BRINP2: variants seen among roughly 807,000 people sequenced by gnomAD.
BRINP2 encodes the protein BMP/retinoic acid inducible neural specific 2.
In BRINP2, 21 loss-of-function variants were observed where a neutral mutation model predicts 69.2. The ratio of observed to expected loss-of-function variants is 0.30; its 90% CI spans 0.22 to 0.44. The LOEUF (loss-of-function observed/expected upper bound fraction) is 0.44. Among genes scored for constraint, BRINP2 ranks in the 20% least tolerant of loss-of-function variants. BRINP2 has a pLI of 1.00. For synonymous variants in BRINP2, 380 were observed against 394.1 expected (o/e 0.96, Z 0.42); for missense variants, 877 against 986.0 (o/e 0.89, Z 1.48).
intron 1 of BRINP2, among the ~76,000 whole-genome samples, chr1:177,208,633 T>C (rs899710709): frequency 6.6e-6 from 1 of 152,060 alleles, no homozygotes; most frequent in Admixed American, 6.5e-5. Context: ...TTTTTCTTCA[T>C]CTTCTTCTTT....
intron 5 of BRINP2, among the ~76,000 whole-genome samples, 188 bp downstream of exon 5, chr1:177,273,781 T>C (rs1044558274): frequency 1.3e-5 from 2 of 152,242 alleles, no homozygotes; most frequent in Non-Finnish European, 2.9e-5. Context: ...CCTTCTGGTA[T>C]GGTTTGTCCT....
At chr1:177,278,864 C>A in intron 7 of BRINP2, 79 bp downstream of exon 7, 3 of 1,391,588 alleles carry the variant, frequency 2.2e-6, no homozygotes, top group Non-Finnish European at 3.0e-6. Flanking sequence ...ACCCTCTGTC[C>A]AATGTAGGGG....
chr1:177,250,420 A>T (rs796590856), intron 2 of BRINP2, among the ~76,000 whole-genome samples: 5 of 152,174 alleles, frequency 3.3e-5, no homozygotes, highest in African/African-American at 1.2e-4. Flanking sequence ...TCCACCTCCC[A>T]GGTTCAAATG....
intron 2 of BRINP2, among the ~76,000 whole-genome samples, chr1:177,243,162 C>T (rs866182497): frequency 6.6e-6 from 1 of 151,708 alleles, no homozygotes. Flanking sequence ...GAGAAGAGTA[C>T]AGGGAGAAAA....
intron 2 of BRINP2, among the ~76,000 whole-genome samples, chr1:177,247,918 C>G (rs1349092686): frequency 6.6e-6 from 1 of 152,174 alleles, no homozygotes; most frequent in Non-Finnish European, 1.5e-5. Flanking sequence ...GGCACACTGA[C>G]ACCAGGATAG....
At chr1:177,188,329 G>A (rs1236916086) in intron 1 of BRINP2, among the ~76,000 whole-genome samples, 1 of 152,098 alleles carries the variant, frequency 6.6e-6, no homozygotes, top group Non-Finnish European at 1.5e-5. Context: ...CAAAAAAATA[G>A]AACCCGTGCC....
chr1:177,257,935 T>C (rs1036758029), intron 4 of BRINP2, among the ~76,000 whole-genome samples: 4 of 152,116 alleles, frequency 2.6e-5, no homozygotes, highest in Non-Finnish European at 5.9e-5. Context: ...CCTGGTGCCT[T>C]GTTGGGGCAC....
intron 2 of BRINP2, among the ~76,000 whole-genome samples, chr1:177,236,187 A>G (rs1283382834): frequency 1.3e-5 from 2 of 152,218 alleles, no homozygotes; most frequent in Non-Finnish European, 2.9e-5. Context: ...GTCCTGTAAC[A>G]TAAATACCTA....
At chr1:177,251,299 C>A (rs1650573519) in intron 2 of BRINP2, among the ~76,000 whole-genome samples, 1 of 152,132 alleles carries the variant, frequency 6.6e-6, no homozygotes, top group South Asian at 2.1e-4. Flanking sequence ...TTTGAATATA[C>A]AATTAATCCA....
chr1:177,255,886 C>T, intron 2 of BRINP2, 33 bp from the exon 3 acceptor site: 1 of 1,602,464 alleles, frequency 6.2e-7, no homozygotes, highest in Non-Finnish European at 8.5e-7. Flanking sequence ...GAAACGAGGT[C>T]AGCTTTTCCT....
In BRINP2 at chr1:177,257,191, C is replaced by A. The variant is rs1650792767; in HGVS notation, c.476C>A (p.Thr159Asn). 2 of 1,613,998 alleles carry A rather than the reference C, an allele frequency of 1.2e-6. No homozygotes were observed. The highest frequency in any genetic ancestry group is 1.7e-6 in the Non-Finnish European group (2 of 1,180,016). Residue 159 changes from threonine to asparagine, a missense_variant, in exon 4 of 8, where the codon ACC (threonine) becomes AAC (asparagine). This residue lies in a region of BRINP2 where 566 missense variants were observed against 625.2 expected (regional missense o/e 0.91). Transcript: ENST00000361539. Reference sequence around the variant, plus strand: ...TTCACCATAGGAGAAGAGTCCCTGACCATTTTTGTGGACAAGCAGAAACTG... The same window carrying A: ...TTCACCATAGGAGAAGAGTCCCTGAACATTTTTGTGGACAAGCAGAAACTG... ...SATLGGEESLTIFVDKQKLGR... is the reference protein window; with the variant it reads ...SATLGGEESLNIFVDKQKLGR...
intron 1 of BRINP2, among the ~76,000 whole-genome samples, chr1:177,197,217 A>T (rs1378157328): frequency 6.6e-6 from 1 of 152,118 alleles, no homozygotes; most frequent in Non-Finnish European, 1.5e-5. Flanking sequence ...TGGAAGGCAA[A>T]GGGGGAGCAA....
At chr1:177,251,231 AG>A (rs1448367018) in intron 2 of BRINP2, among the ~76,000 whole-genome samples, 4 of 152,214 alleles carry the variant, frequency 2.6e-5, no homozygotes, top group African/African-American at 9.7e-5. Flanking sequence ...GCAAATGGGC[AG>A]GTTAAAACTG....
chr1:177,247,840 G>T (rs1010013384), intron 2 of BRINP2, among the ~76,000 whole-genome samples: 5 of 152,318 alleles, frequency 3.3e-5, no homozygotes, highest in Admixed American at 2.6e-4. Flanking sequence ...AAGCAGCATT[G>T]ATTTCCTCCT....
chr1:177,220,562 C>T (rs1649496431), intron 1 of BRINP2, among the ~76,000 whole-genome samples: 1 of 152,220 alleles, frequency 6.6e-6, no homozygotes, highest in African/African-American at 2.4e-5. Context: ...GGGAGCACCA[C>T]ACTTCCTCTA....
At chr1:177,208,329 G>A (rs1383020419) in intron 1 of BRINP2, among the ~76,000 whole-genome samples, 1 of 152,234 alleles carries the variant, frequency 6.6e-6, no homozygotes, top group African/African-American at 2.4e-5. Flanking sequence ...GGCACTGTAT[G>A]TAAGTAGGTT....
chr1:177,181,986 T>C (rs1204586506), intron 1 of BRINP2, among the ~76,000 whole-genome samples: 1 of 152,096 alleles, frequency 6.6e-6, no homozygotes, highest in African/African-American at 2.4e-5. Flanking sequence ...TCCGGCAAGC[T>C]CGAAAGGGAC....
At chr1:177,199,982 A>G (rs1648854188) in intron 1 of BRINP2, among the ~76,000 whole-genome samples, 1 of 152,084 alleles carries the variant, frequency 6.6e-6, no homozygotes, top group Non-Finnish European at 1.5e-5. Context: ...ACTTTTACCC[A>G]TGGTATCCTA....
intron 6 of BRINP2, among the ~76,000 whole-genome samples, chr1:177,277,884 G>GTGCCCAGGAAGCTCTAAGGA (rs1433447171): frequency 6.6e-6 from 1 of 152,170 alleles, no homozygotes; most frequent in African/African-American, 2.4e-5. Flanking sequence ...AAGCCATGGT[G>GTGCCCAGGAAGCTCTAAGGA]TGCCCAGGAA....
Sources: allele counts gnomAD v4.1 joint callset (sites outside exome capture counted in the v4.1 genomes callset), GRCh38; gene constraint gnomAD v4.1.1; regional missense constraint gnomAD v4.1.1; transcripts MANE v1.5; gene names NCBI Gene and HGNC (gene_info 2026-07-23, HGNC 2026-07-21).